Variants in RFC1 observed in about 807,000 individuals in gnomAD.
RFC1 encodes replication factor C subunit 1, also known as A1 140 kDa subunit.
In RFC1, 37 loss-of-function variants were observed where a neutral mutation model predicts 137.4. That is an observed-to-expected ratio of 0.27 (90% confidence interval 0.21 to 0.35). RFC1 has a LOEUF of 0.35. Among genes scored for constraint, RFC1 ranks in the 10% least tolerant of loss-of-function variants. The pLI, the probability that RFC1 is intolerant of heterozygous loss-of-function variation, is 1.00. For synonymous variants in RFC1, 429 were observed against 455.7 expected, an observed-to-expected ratio of 0.94 and a Z score of 0.75; for missense variants, 1,205 against 1,358.5, an observed-to-expected ratio of 0.89 and a Z score of 1.78.
Position 39,308,767 on chromosome 4 carries a change from A to G in RFC1, c.1754T>C (p.Leu585Pro). The G allele has an allele frequency of 6.2e-7, 1 of 1,614,128 alleles. No homozygotes were observed. The highest frequency in any genetic ancestry group is 2.2e-5 in the East Asian group (1 of 44,874). ...DSSENKVENL[L>P]WVDKYKPTSL... ...GGTTGGCTTATATTTATCCACCCAG[A>G]GCAAATTTTCCACTTTGTTTTCACT... The change falls in exon 13 of 25, where the codon CTC becomes CCC. Residue 585 changes from leucine (L) to proline (P), a missense_variant. This residue lies in a region of RFC1 where 962 missense variants were observed against 1,035.3 expected (regional missense o/e 0.93). Transcript: ENST00000349703.
At chr4:39,301,305 G>A (rs1738349931) in intron 19 of RFC1, among the ~76,000 whole-genome samples, 1 of 152,158 alleles carries the variant, frequency 6.6e-6, no homozygotes. Flanking sequence ...GAATGAACAG[G>A]TAGAGCACAG....
At chr4:39,310,705 T>G (rs1738921335) in intron 12 of RFC1, among the ~76,000 whole-genome samples, 3 of 152,224 alleles carry the variant, frequency 2.0e-5, no homozygotes, top group Admixed American at 2.0e-4. Flanking sequence ...ACATTTTTCC[T>G]TTTGCAAAAG....
chr4:39,363,675 G>C (rs1741869764), intron 1 of RFC1, among the ~76,000 whole-genome samples: 1 of 151,292 alleles, frequency 6.6e-6, no homozygotes, highest in Non-Finnish European at 1.5e-5. Flanking sequence ...TCAACTTGAG[G>C]CCAGGAGTTC....
chr4:39,308,786 T>A lies in RFC1; in HGVS notation c.1735A>T (p.Asn579Tyr). The change falls in exon 13 of 25, where the codon AAC (asparagine) becomes TAC (tyrosine). Residue 579 changes from asparagine to tyrosine, a missense_variant. Coordinates refer to ENST00000349703, the MANE Select transcript of RFC1 (RefSeq NM_002913.5). ...ARNLADDSSE[N>Y]KVENLLWVDK... ...ACCCAGAGCAAATTTTCCACTTTGT[T>A]TTCACTGCTGTCATCAGCCAAATTC... 6.2e-7 allele frequency: 1 copy of A among 1,614,160 alleles called. No individual in the cohort carries two copies. Among genetic ancestry groups the A allele is most frequent in the Non-Finnish European group, 8.5e-7 (1 of 1,180,016 alleles).
intron 2 of RFC1, 67 bp downstream of exon 2, chr4:39,351,281 A>ATT: frequency 4.7e-5 from 26 of 547,950 alleles, no homozygotes; most frequent in South Asian, 8.8e-5. Context: ...AAAAAAAAAA[A>ATT]AAAACTTATA....
chr4:39,329,926 T>A (rs976139871), intron 4 of RFC1, among the ~76,000 whole-genome samples: 1 of 151,894 alleles, frequency 6.6e-6, no homozygotes, highest in African/African-American at 2.4e-5. Context: ...TCCCAGCTAT[T>A]TGGGCAGCTG....
At chr4:39,320,792 A>C in intron 8 of RFC1, 123 bp from the exon 9 acceptor site, 1 of 823,658 alleles carries the variant, frequency 1.2e-6, no homozygotes, top group Non-Finnish European at 1.8e-6. Flanking sequence ...CAAAGTCCTA[A>C]AGTGTCAAGA....
In RFC1 at chr4:39,366,275, C is replaced by T. The variant is rs375788904; in HGVS notation, c.-34G>A. The T allele has an allele frequency of 2.0e-6, 3 of 1,524,026 alleles. No individual in the cohort carries two copies. Among genetic ancestry groups the T allele is most frequent in the East Asian group, 2.5e-5 (1 of 39,654 alleles). The allele number at this position is 1,524,026 out of a possible 1,614,324, so 94.4% of individuals were successfully genotyped here. On this transcript the variant is annotated 5_prime_UTR_variant, in exon 1 of 25. Coordinates refer to ENST00000349703, the MANE Select transcript of RFC1 (RefSeq NM_002913.5). ...CAGGATGAAGGCGCTGGCTGGCTGGCGGGTGGGCCGGTTGAGGAATCTGTT... is the reference window on the plus strand; with the variant it reads ...CAGGATGAAGGCGCTGGCTGGCTGGTGGGTGGGCCGGTTGAGGAATCTGTT...
Position 39,345,425 on chromosome 4 carries a change from T to A in RFC1, c.184A>T (p.Lys62Ter). The change falls in exon 3 of 25, where the codon AAA (lysine) becomes TAA (stop). Residue 62 changes from lysine to a stop codon, truncating the protein, a stop_gained. Transcript: ENST00000349703. LOFTEE classifies it high-confidence loss of function. ...CCTGAATCATAGATGATCCTCTTTTTCTTGCTTGGTTGCTTTTGTTTGAAG... is the reference window on the plus strand; with the variant it reads ...CCTGAATCATAGATGATCCTCTTTTACTTGCTTGGTTGCTTTTGTTTGAAG... ...DDFKQKQPSK[K>*]KRIIYDSDSE... 1 of 1,614,020 alleles carries A rather than the reference T, an allele frequency of 6.2e-7. No individual in the cohort carries two copies. The highest frequency in any genetic ancestry group is 8.5e-7 in the Non-Finnish European group (1 of 1,179,934).
Position 39,289,947 on chromosome 4 carries a change from G to A in RFC1, c.3261C>T (p.Ser1087=). 8.7e-6 allele frequency: 14 copies of A among 1,612,780 alleles called. No individual in the cohort carries two copies. Among genetic ancestry groups the A allele is most frequent in the Non-Finnish European group, 1.2e-5 (14 of 1,178,832 alleles). ...CATTGTATTCCGAATCCAGGGATGG[G>A]CTTGTGCTGTGTCTAGATGCCTTTA... The part of the protein sequence containing the change: ...QAIKASRHST[S]PSLDSEYNEE... Residue 1087 remains serine, a synonymous_variant, in exon 24 of 25, where the codon AGC becomes AGT. Coordinates refer to ENST00000349703, the MANE Select transcript of RFC1 (RefSeq NM_002913.5).
chr4:39,345,001 T>C (rs374150321), intron 3 of RFC1, among the ~76,000 whole-genome samples: 5 of 152,116 alleles, frequency 3.3e-5, no homozygotes, highest in Non-Finnish European at 7.4e-5. Context: ...TCTCAGAACA[T>C]AGTTGATTTA....
chr4:39,331,759 A>G (rs1578145691), intron 4 of RFC1, among the ~76,000 whole-genome samples: 2 of 152,242 alleles, frequency 1.3e-5, no homozygotes, highest in Admixed American at 6.5e-5. Context: ...AGCTATATAC[A>G]TAACTTTTAA....
intron 9 of RFC1, among the ~76,000 whole-genome samples, chr4:39,319,836 G>A (rs572581517): frequency 6.6e-6 from 1 of 152,272 alleles, no homozygotes; most frequent in African/African-American, 2.4e-5. Context: ...ATCCAGCATG[G>A]TTATGCTGGA....
At chr4:39,289,486 A>G (rs968172122) in intron 24 of RFC1, 2 of 186,822 alleles carry the variant, frequency 1.1e-5, no homozygotes, top group Non-Finnish European at 2.2e-5. Flanking sequence ...GCTCTAAGAA[A>G]CTTCTACAAA....
intron 1 of RFC1, chr4:39,365,422 T>C: frequency 1.0e-6 from 1 of 975,308 alleles, no homozygotes; most frequent in Non-Finnish European, 1.2e-6. Flanking sequence ...AATGGTCCTT[T>C]AAAAATATTT....
intron 1 of RFC1, among the ~76,000 whole-genome samples, chr4:39,360,490 C>G (rs1216831870): frequency 1.3e-5 from 2 of 150,806 alleles, no homozygotes; most frequent in African/African-American, 4.9e-5. Flanking sequence ...GGTGACAGGG[C>G]GAGACTCCAT....
intron 15 of RFC1, among the ~76,000 whole-genome samples, chr4:39,304,358 G>T (rs569910676): frequency 6.6e-6 from 1 of 152,212 alleles, no homozygotes; most frequent in South Asian, 2.1e-4. Flanking sequence ...ATTCTTTGAG[G>T]TCTTTCAAAA....
intron 2 of RFC1, among the ~76,000 whole-genome samples, chr4:39,349,815 G>A (rs183824535): frequency 6.6e-6 from 1 of 152,198 alleles, no homozygotes; most frequent in Non-Finnish European, 1.5e-5. Context: ...GACCAGCCTG[G>A]CCAATATGGA....
intron 1 of RFC1, among the ~76,000 whole-genome samples, chr4:39,361,225 C>T (rs1419393925): frequency 1.3e-5 from 2 of 152,014 alleles, no homozygotes; most frequent in Non-Finnish European, 2.9e-5. Flanking sequence ...CCCGTCTCTG[C>T]TAAAAACAGA....
Sources: gnomAD v4.1 joint callset for allele counts (sites outside exome capture counted in the v4.1 genomes callset) on GRCh38, gnomAD v4.1.1 for gene constraint, gnomAD v4.1.1 regional missense constraint, MANE v1.5 for transcripts, NCBI Gene and HGNC (gene_info 2026-07-23, HGNC 2026-07-21) for gene names.